CEACAM20: variants seen among roughly 807,000 people sequenced by gnomAD.
CEACAM20 encodes cell adhesion molecule CEACAM20.
A neutral mutation model predicts 61.2 loss-of-function variants in CEACAM20; 50 were observed. That is an observed-to-expected ratio of 0.82 (90% CI 0.65 to 1.03). The LOEUF is 1.03. Ranked by LOEUF, CEACAM20 falls within the 50% of genes least tolerant of loss-of-function variation. The probability of loss-of-function intolerance (pLI) is 0.00; values close to 1 mark genes in which losing one functional copy is unlikely to be tolerated. For missense variants in CEACAM20, 683 were observed against 736.4 expected, an observed-to-expected ratio of 0.93 and a Z score of 0.84; for synonymous variants, 282 against 287.7, an observed-to-expected ratio of 0.98 and a Z score of 0.20.
At chr19:44,518,234 GAA>G (rs112863369) in intron 5 of CEACAM20, among the ~76,000 whole-genome samples, 45,151 of 122,308 alleles carry the variant, frequency 0.37, 9,887 homozygotes, top group East Asian at 0.64. Context: ...GAGAGAGAGA[GAA>G]AGGAAGGAAG....
intron 6 of CEACAM20, among the ~76,000 whole-genome samples, chr19:44,514,306 C>A (rs1971092013): frequency 6.6e-6 from 1 of 152,190 alleles, no homozygotes. Flanking sequence ...TCTGCCTGAA[C>A]CTCTCTCAAA....
chr19:44,510,597 AAAGAAAGAAAGAAAAAGGAAGG>A (rs1970957616), intron 11 of CEACAM20, among the ~76,000 whole-genome samples: 1 of 69,004 alleles, frequency 1.4e-5, no homozygotes, highest in Admixed American at 1.7e-4. Flanking sequence ...AGAAAGAAAG[AAAGAAAGAAAGAAAAAGGAAGG>A]AAGGAAGAAA....
chr19:44,513,332 T>C (rs990649905), intron 6 of CEACAM20, 43 bp from the exon 7 acceptor site: 1 of 1,322,650 alleles, frequency 7.6e-7, no homozygotes, highest in Non-Finnish European at 1.1e-6. Flanking sequence ...TGACACACCC[T>C]CATCCCTGCT....
At position 44,512,830 on chromosome 19, in the gene CEACAM20, C is replaced by A. The variant is rs770177998; in HGVS notation, c.1513+38G>T. 3 of 1,564,620 alleles carry A rather than the reference C, an allele frequency of 1.9e-6. No individual in the cohort carries two copies. The South Asian group carries it at 3.4e-5, about 18-fold the overall frequency. On this transcript the variant is annotated intron_variant, in intron 8 of 11. Transcript: ENST00000614924. ...GCACCAGCCTCTTCCCCAGCCCTCA[C>A]CCCTGCCCCAGGCATCAGCCACCAT...
At chr19:44,509,937 A>G (rs1970922948) in intron 11 of CEACAM20, among the ~76,000 whole-genome samples, 1 of 152,198 alleles carries the variant, frequency 6.6e-6, no homozygotes, top group South Asian at 2.1e-4. Context: ...AATAGAACGG[A>G]TGAAATGGAT....
intron 5 of CEACAM20, among the ~76,000 whole-genome samples, chr19:44,518,111 G>A (rs55660674): frequency 0.18 from 5,646 of 31,626 alleles, 418 homozygotes; most frequent in African/African-American, 0.33. Flanking sequence ...AGAAAGGAAG[G>A]AAGGAAGGAA....
intron 6 of CEACAM20, among the ~76,000 whole-genome samples, chr19:44,516,232 A>G (rs1971149759): frequency 6.6e-6 from 1 of 152,132 alleles, no homozygotes; most frequent in African/African-American, 2.4e-5. Context: ...TATTAACATC[A>G]TTTCCGATTC....
At chr19:44,525,001 C>A in intron 2 of CEACAM20, 100 bp downstream of exon 2, 1 of 1,468,624 alleles carries the variant, frequency 6.8e-7, no homozygotes, top group Non-Finnish European at 9.3e-7. Context: ...CTGGCTGAGC[C>A]AATCAGATTC....
chr19:44,522,724 A>T lies in CEACAM20; in HGVS notation c.661T>A (p.Ser221Thr). The change falls in exon 4 of 12, where the codon TCC becomes ACC. Residue 221 changes from serine (S) to threonine (T), a missense_variant. Ser to Thr is a moderately conservative substitution (Grantham distance 58, BLOSUM62 1). Coordinates refer to ENST00000614924, the MANE Select transcript of CEACAM20 (RefSeq NM_001102597.3). ...CTGTACAGGCCCTCATGTTCTCTGG[A>T]CACAGCATGGATGGTGAATGTTCTC... ...TTRTFTIHAV[S>T]REHEGLYRCL... 6.2e-7 allele frequency: 1 copy of T among 1,613,948 alleles called. No homozygotes were observed. The highest frequency in any genetic ancestry group is 8.5e-7 in the Non-Finnish European group (1 of 1,179,872).
At chr19:44,525,365 C>T (rs1971498883) in intron 1 of CEACAM20, 121 bp from the exon 2 acceptor site, 1 of 859,744 alleles carries the variant, frequency 1.2e-6, no homozygotes, top group African/African-American at 1.8e-5. Flanking sequence ...CCACAGAGAC[C>T]TGAGTCCTAC....
chr19:44,526,990 T>C (rs1380221290), intron 1 of CEACAM20, among the ~76,000 whole-genome samples: 1 of 151,924 alleles, frequency 6.6e-6, no homozygotes, highest in African/African-American at 2.4e-5. Flanking sequence ...ACACAGACCC[T>C]CTGCACTTCT....
chr19:44,517,800 G>A (rs1971214159), intron 5 of CEACAM20, among the ~76,000 whole-genome samples: 1 of 151,948 alleles, frequency 6.6e-6, no homozygotes, highest in East Asian at 1.9e-4. Flanking sequence ...CAAGCGCAGT[G>A]GCTCACACCT....
chr19:44,525,722 C>G (rs1971511360), intron 1 of CEACAM20, among the ~76,000 whole-genome samples: 2 of 152,208 alleles, frequency 1.3e-5, no homozygotes, highest in South Asian at 4.1e-4. Flanking sequence ...GAATTACAGG[C>G]ATGAGCCCCT....
intron 11 of CEACAM20, among the ~76,000 whole-genome samples, chr19:44,509,296 T>C (rs1430179505): frequency 6.9e-6 from 1 of 144,838 alleles, no homozygotes; most frequent in Non-Finnish European, 1.5e-5. Context: ...GGAGAGGAAA[T>C]TAGAGAAAAG....
intron 5 of CEACAM20, among the ~76,000 whole-genome samples, chr19:44,518,108 AAGGAAGGAAGGAAGGAAGG>A (rs1971234568): frequency 0.046 from 1,929 of 41,692 alleles, 105 homozygotes; most frequent in Non-Finnish European, 0.065. Context: ...GAAAGAAAGG[AAGGAAGGAAGGAAGGAAGG>A]AAGGAAGGAA....
chr19:44,512,160 C>T (rs1465535114), intron 8 of CEACAM20, 82 bp from the exon 9 acceptor site: 5 of 1,048,466 alleles, frequency 4.8e-6, no homozygotes, highest in Non-Finnish European at 7.3e-6. Context: ...ACCCCTGACC[C>T]CAGGAAGGAA....
intron 1 of CEACAM20, 43 bp from the exon 2 acceptor site, chr19:44,525,287 T>A: frequency 6.5e-7 from 1 of 1,528,638 alleles, no homozygotes; most frequent in Non-Finnish European, 8.8e-7. Flanking sequence ...GAGAGGTGTG[T>A]TGGGGGTTGC....
intron 1 of CEACAM20, among the ~76,000 whole-genome samples, chr19:44,526,073 G>C (rs116073571): frequency 0.014 from 2,083 of 152,332 alleles, 50 homozygotes; most frequent in African/African-American, 0.046. Context: ...TGTCAGCCCA[G>C]AGATGGCCAC....
intron 4 of CEACAM20, among the ~76,000 whole-genome samples, chr19:44,521,641 G>A (rs1971368254): frequency 1.3e-5 from 2 of 151,924 alleles, no homozygotes; most frequent in African/African-American, 4.8e-5. Flanking sequence ...TATGTGTTGT[G>A]GGTTTGTGTG....
Sources: allele counts gnomAD v4.1 joint callset (sites outside exome capture counted in the v4.1 genomes callset), GRCh38; gene constraint gnomAD v4.1.1; transcripts MANE v1.5; gene names NCBI Gene and HGNC (gene_info 2026-07-23, HGNC 2026-07-21).